The following KLHDC10 variants were observed in gnomAD, a reference collection of about 807,000 sequenced individuals.
The protein encoded by KLHDC10 is kelch domain-containing protein 10.
Under a neutral mutation model 56.1 loss-of-function variants are expected in KLHDC10, and 24 were observed. That is an observed-to-expected ratio of 0.43 (90% CI 0.31 to 0.60). The LOEUF (loss-of-function observed/expected upper bound fraction) is 0.60, where lower values mean the gene tolerates loss of function less well. Ranked by LOEUF, KLHDC10 falls within the 20% of genes least tolerant of loss-of-function variation. The probability of loss-of-function intolerance (pLI) is 0.11; values close to 1 mark genes in which losing one functional copy is unlikely to be tolerated. For missense variants in KLHDC10, 349 were observed against 567.0 expected, an observed-to-expected ratio of 0.62 and a Z score of 3.91; for synonymous variants, 188 against 207.1, an observed-to-expected ratio of 0.91 and a Z score of 0.79.
At chr7:130,129,016 G>GC (rs143889716) in intron 8 of KLHDC10, among the ~76,000 whole-genome samples, 5,983 of 149,766 alleles carry the variant, frequency 0.04, 401 homozygotes, top group African/African-American at 0.14. Context: ...TCTGGCAATT[G>GC]CCAGCCTTAA....
At position 130,132,086 on chromosome 7, in the gene KLHDC10, G is replaced by T. The variant is rs1022790142; in HGVS notation, c.*1340G>T. 4 of 151,920 alleles carry T rather than the reference G, an allele frequency of 2.6e-5. No homozygotes were observed. Among genetic ancestry groups the T allele is most frequent in the Admixed American group, 6.6e-5 (1 of 15,238 alleles). 9.4% of individuals were successfully genotyped at this position (151,920 alleles called of 1,614,324 possible). On this transcript the variant is annotated 3_prime_UTR_variant, in exon 10 of 10. Coordinates refer to ENST00000335420, the MANE Select transcript of KLHDC10 (RefSeq NM_014997.4). The stretch of plus-strand genomic sequence containing the variant: ...TTTGTTTTTTTTTTAATTCTAAAAA[G>T]AATGACATAAATTTTCACTCGCTTT...
chr7:130,126,315 C>A (rs983746406), intron 7 of KLHDC10, among the ~76,000 whole-genome samples: 2 of 152,042 alleles, frequency 1.3e-5, no homozygotes, highest in Non-Finnish European at 2.9e-5. Flanking sequence ...GAGACCCTAT[C>A]TCAAAAAGAA....
chr7:130,077,169 ACATG>A (rs1199202591), intron 1 of KLHDC10, among the ~76,000 whole-genome samples: 2 of 151,668 alleles, frequency 1.3e-5, no homozygotes, highest in Non-Finnish European at 2.9e-5. Context: ...AGTCTGACCA[ACATG>A]GGGAAACCCC....
chr7:130,075,506 AT>A (rs1795485551), intron 1 of KLHDC10, among the ~76,000 whole-genome samples: 3 of 152,028 alleles, frequency 2.0e-5, no homozygotes, highest in Admixed American at 6.6e-5. Context: ...TTTCCTGTAT[AT>A]TTTTTCCAGG....
chr7:130,122,359 A>C lies in KLHDC10; in HGVS notation c.779+157A>C, dbSNP rs551280508. On this transcript the variant is annotated intron_variant, in intron 5 of 9. Transcript: ENST00000335420. ...AGGTAAATAGTAAAGAAAGGTCTAT[A>C]GTAAAAAAAGTTCTTCTGGTGAGGA... 4.2e-5 allele frequency among the ~76,000 whole-genome samples: 6 copies of C among 144,436 alleles called. No homozygotes were observed. The South Asian group carries it at 1.1e-3, about 26-fold the overall frequency. The allele number at this position is 144,436 out of a possible 152,430, so 94.8% of individuals were successfully genotyped here. A position where few individuals can be genotyped will look rare whatever the true frequency, so the allele number is the denominator to read the frequency against.
intron 1 of KLHDC10, among the ~76,000 whole-genome samples, chr7:130,087,928 T>G (rs1795714719): frequency 6.6e-6 from 1 of 151,600 alleles, no homozygotes; most frequent in African/African-American, 2.4e-5. Context: ...GCCTGGCTAA[T>G]TTTTGTATCT....
intron 1 of KLHDC10, among the ~76,000 whole-genome samples, chr7:130,075,299 C>T (rs1245650579): frequency 1.3e-5 from 2 of 151,520 alleles, no homozygotes; most frequent in African/African-American, 4.9e-5. Context: ...GGAAAACTGA[C>T]AAAGAAAAAG....
intron 2 of KLHDC10, among the ~76,000 whole-genome samples, chr7:130,101,234 A>G (rs964051301): frequency 1.3e-5 from 2 of 152,204 alleles, no homozygotes; most frequent in Non-Finnish European, 2.9e-5. Flanking sequence ...GTTTCTTTAC[A>G]TATAGCAAAT....
At chr7:130,127,876 G>A (rs1796334056) in intron 8 of KLHDC10, among the ~76,000 whole-genome samples, 1 of 152,152 alleles carries the variant, frequency 6.6e-6, no homozygotes, top group Non-Finnish European at 1.5e-5. Context: ...GATGCCAAAT[G>A]GAACTCTTCA....
At chr7:130,122,315 C>A in intron 5 of KLHDC10, 113 bp downstream of exon 5, 1 of 948,462 alleles carries the variant, frequency 1.1e-6, no homozygotes, top group Non-Finnish European at 1.5e-6. Flanking sequence ...AACTAACTGG[C>A]TGTTGGATGT....
intron 1 of KLHDC10, among the ~76,000 whole-genome samples, chr7:130,072,944 C>T (rs1439314180): frequency 2.0e-5 from 3 of 151,972 alleles, no homozygotes; most frequent in Admixed American, 6.6e-5. Flanking sequence ...TTAGTAGAGA[C>T]GGGATTTTAT....
chr7:130,119,084 A>G (rs1796210630), intron 3 of KLHDC10, among the ~76,000 whole-genome samples: 1 of 151,668 alleles, frequency 6.6e-6, no homozygotes, highest in East Asian at 2.0e-4. Flanking sequence ...TGGCCTGTAC[A>G]TATAGTCCCA....
At chr7:130,087,044 A>G (rs1795701474) in intron 1 of KLHDC10, among the ~76,000 whole-genome samples, 1 of 152,218 alleles carries the variant, frequency 6.6e-6, no homozygotes, top group South Asian at 2.1e-4. Context: ...TAGTTAAGGA[A>G]GCTGGGGTAC....
intron 2 of KLHDC10, among the ~76,000 whole-genome samples, chr7:130,104,311 A>G (rs1429643798): frequency 6.6e-6 from 1 of 152,238 alleles, no homozygotes; most frequent in Non-Finnish European, 1.5e-5. Context: ...GGTCAACTGT[A>G]TAACATTCTG....
At chr7:130,126,544 C>T (rs1371872862) in intron 7 of KLHDC10, among the ~76,000 whole-genome samples, 1 of 151,804 alleles carries the variant, frequency 6.6e-6, no homozygotes, top group Non-Finnish European at 1.5e-5. Context: ...GGCGTGGTGG[C>T]ATGTACCTGT....
At chr7:130,084,261 C>T (rs1011975800) in intron 1 of KLHDC10, among the ~76,000 whole-genome samples, 1 of 152,166 alleles carries the variant, frequency 6.6e-6, no homozygotes, top group Admixed American at 6.5e-5. Context: ...TTTTCTAAAG[C>T]TCCCTCTAGC....
At chr7:130,103,319 G>A (rs761165017) in intron 2 of KLHDC10, among the ~76,000 whole-genome samples, 5 of 151,838 alleles carry the variant, frequency 3.3e-5, no homozygotes, top group East Asian at 1.9e-4. Context: ...CCCGCTACTC[G>A]GGAGGCTGAG....
At chr7:130,100,092 C>T (rs1795909204) in intron 2 of KLHDC10, among the ~76,000 whole-genome samples, 1 of 147,380 alleles carries the variant, frequency 6.8e-6, no homozygotes. Flanking sequence ...GGTGAAAGAG[C>T]GAGGCCCTGT....
At chr7:130,118,511 G>A (rs1796201771) in intron 3 of KLHDC10, among the ~76,000 whole-genome samples, 1 of 152,196 alleles carries the variant, frequency 6.6e-6, no homozygotes, top group Non-Finnish European at 1.5e-5. Flanking sequence ...AGGCTGTTTT[G>A]CTTCCTTATC....
Sources: gnomAD v4.1 joint callset for allele counts (sites outside exome capture counted in the v4.1 genomes callset) on GRCh38, gnomAD v4.1.1 for gene constraint, MANE v1.5 for transcripts, NCBI Gene and HGNC (gene_info 2026-07-23, HGNC 2026-07-21) for gene names.